Variants in VPS53 observed in about 807,000 individuals in gnomAD.
VPS53 encodes VPS53 subunit of GARP complex.
A neutral mutation model predicts 107.0 loss-of-function variants in VPS53; 70 were observed. That is an observed-to-expected ratio of 0.65 (90% confidence interval 0.54 to 0.80). The LOEUF is 0.80. VPS53 is among the 30% of genes least tolerant of loss of function. VPS53 has a pLI of 0.00. For missense variants in VPS53, 917 were observed against 1,049.4 expected (o/e 0.87, Z 1.74); for synonymous variants, 409 against 393.3 (o/e 1.04, Z -0.47).
At position 563,590 on chromosome 17, in the gene VPS53, G is replaced by A. The variant is rs142193035; in HGVS notation, c.1314-845C>T. The stretch of plus-strand genomic sequence containing the variant: ...ATTACAGGTGTGAGCCACTCACTGC[G>A]CCCAGCTCATTTACTTTTTACAATA... On this transcript the variant is annotated intron_variant, in intron 13 of 21. Coordinates refer to ENST00000437048, the MANE Select transcript of VPS53 (RefSeq NM_001128159.3). Among the ~76,000 whole-genome samples the A allele has an allele frequency of 4.7e-4, 72 of 152,194 alleles. 1 individual carries two copies. In the East Asian group the frequency reaches 0.012, roughly 25 times the overall value.
intron 15 of VPS53, among the ~76,000 whole-genome samples, chr17:557,210 T>G (rs1308968214): frequency 6.6e-6 from 1 of 152,208 alleles, no homozygotes; most frequent in Admixed American, 6.5e-5. Flanking sequence ...TTTGGGTGTT[T>G]GCTGGCAATC....
chr17:568,576 A>G (rs925786847), intron 13 of VPS53, among the ~76,000 whole-genome samples: 3 of 152,204 alleles, frequency 2.0e-5, no homozygotes, highest in African/African-American at 4.8e-5. Flanking sequence ...GGGTACTCCC[A>G]CTAATTTGCA....
At chr17:573,164 T>C (rs546367995) in intron 13 of VPS53, among the ~76,000 whole-genome samples, 43 of 152,050 alleles carry the variant, frequency 2.8e-4, no homozygotes, top group Non-Finnish European at 4.3e-4. Context: ...AGATATGGAG[T>C]CACCAGTAAC....
intron 2 of VPS53, among the ~76,000 whole-genome samples, chr17:705,154 G>A (rs765259944): frequency 1.1e-4 from 17 of 152,056 alleles, no homozygotes; most frequent in Non-Finnish European, 2.4e-4. Context: ...GTTCAAACTT[G>A]GGCTCACCTT....
At position 600,320 on chromosome 17, in the gene VPS53, T is replaced by G. The variant is rs565213965; in HGVS notation, c.1218+1475A>C. Among the ~76,000 whole-genome samples, 4 of 152,352 alleles carry G rather than the reference T, an allele frequency of 2.6e-5. No individual in the cohort carries two copies. In the East Asian group the frequency reaches 7.7e-4, roughly 29 times the overall value. ...TAGCATTCGTGAGACATCAGGGCTC[T>G]GCAAATGGCTCTCCTGCGCAAAGCA... is the stretch of plus-strand genomic sequence containing the variant. On this transcript the variant is annotated intron_variant, in intron 12 of 21. Coordinates refer to ENST00000437048, the MANE Select transcript of VPS53 (RefSeq NM_001128159.3).
rs1355097551 is a variant in VPS53, at chr17:612,793, T to C, written c.1116+10740A>G. ...AGTGAATTCACACAGTGAAAACCTG[T>C]ACAAATATTCACATAGTGAGTTCAC... On this transcript the variant is annotated intron_variant, in intron 11 of 21. Coordinates refer to ENST00000437048, the MANE Select transcript of VPS53 (RefSeq NM_001128159.3). 2.1e-5 allele frequency among the ~76,000 whole-genome samples: 3 copies of C among 143,732 alleles called. No individual in the cohort carries two copies. The East Asian group carries it at 6.5e-4, about 31-fold the overall frequency. 94.3% of individuals were successfully genotyped at this position (143,732 alleles called of 152,430 possible). A position where few individuals can be genotyped will look rare whatever the true frequency, so the allele number is the denominator to read the frequency against.
intron 13 of VPS53, among the ~76,000 whole-genome samples, chr17:581,745 T>G (rs1439134578): frequency 6.7e-6 from 1 of 150,056 alleles, no homozygotes; most frequent in Non-Finnish European, 1.5e-5. Context: ...TTAAATGCGT[T>G]CCCAGAGATC....
At chr17:552,812 T>G (rs1911964816) in intron 16 of VPS53, 1 of 313,796 alleles carries the variant, frequency 3.2e-6, no homozygotes, top group South Asian at 9.9e-5. Flanking sequence ...GGACTCATTC[T>G]GACCCAACAG....
At chr17:606,648 T>TG (rs1968595886) in intron 11 of VPS53, among the ~76,000 whole-genome samples, 2 of 152,100 alleles carry the variant, frequency 1.3e-5, no homozygotes, top group South Asian at 4.1e-4. Flanking sequence ...CCACAGTCCA[T>TG]GGCCTGTTAG....
At chr17:660,397 C>T (rs1971393346) in intron 5 of VPS53, among the ~76,000 whole-genome samples, 1 of 152,204 alleles carries the variant, frequency 6.6e-6, no homozygotes, top group African/African-American at 2.4e-5. Context: ...ACCTCTTCCT[C>T]CCTTCAGCAC....
chr17:589,636 C>T (rs766316420), intron 12 of VPS53, among the ~76,000 whole-genome samples: 26 of 152,080 alleles, frequency 1.7e-4, no homozygotes, highest in Non-Finnish European at 2.2e-4. Flanking sequence ...TAAAGGATAA[C>T]GTCAGAAAAC....
rs1910166386 is a variant in VPS53 at position 537,299 on chromosome 17, C to CTTT, written c.1867-126_1867-124dup. On this transcript the variant is annotated intron_variant, in intron 17 of 21. Transcript: ENST00000437048. ...GCTTTGGTATCCCAGGAATCAGGCC[C>CTTT]TTTTGTCCTGGGGAGTTTCTTATTC... 31 of 1,163,306 alleles carry CTTT rather than the reference C, an allele frequency of 2.7e-5. 1 individual carries two copies. In the South Asian group the frequency reaches 4.8e-4, roughly 18 times the overall value. 72.1% of individuals were successfully genotyped at this position (1,163,306 alleles called of 1,614,324 possible).
Position 519,987 on chromosome 17 carries a change from G to A in VPS53, c.2224-57C>T, listed in dbSNP as rs1224892855. 4.7e-6 allele frequency: 6 copies of A among 1,268,502 alleles called. No individual in the cohort carries two copies. The highest frequency in any genetic ancestry group is 5.6e-6 in the Non-Finnish European group (5 of 891,232). The allele number at this position is 1,268,502 out of a possible 1,614,324, so 78.6% of individuals were successfully genotyped here. A position where few individuals can be genotyped will look rare whatever the true frequency, so the allele number is the denominator to read the frequency against. Reference sequence around the variant, plus strand: ...CAGGAAAACTACCACCACGGGAGGAGACAGGAGCGGGCCCTCAAGAAAACT... The same window carrying A: ...CAGGAAAACTACCACCACGGGAGGAAACAGGAGCGGGCCCTCAAGAAAACT... On this transcript the variant is annotated intron_variant, in intron 20 of 21. Transcript: ENST00000437048. This position sits in a 1 kb window ranked among gnomAD's most constrained non-coding sequence, Gnocchi z 5.0.
At chr17:631,495 G>T in intron 8 of VPS53, 55 bp downstream of exon 8, 1 of 1,567,976 alleles carries the variant, frequency 6.4e-7, no homozygotes, top group South Asian at 1.1e-5. Context: ...GGGTGAGCGT[G>T]AGCTCGGCAA....
At chr17:565,880 T>A (rs1394351612) in intron 13 of VPS53, among the ~76,000 whole-genome samples, 1 of 152,072 alleles carries the variant, frequency 6.6e-6, no homozygotes, top group Non-Finnish European at 1.5e-5. Context: ...ATTTAACACT[T>A]TATTAGACAG....
rs560881336 is a variant in VPS53 at position 610,761 on chromosome 17, A to C, written c.1117-8865T>G. 1.1e-3 allele frequency among the ~76,000 whole-genome samples: 165 copies of C among 151,298 alleles called. 1 individual carries two copies. The highest frequency in any genetic ancestry group is 1.9e-3 in the Non-Finnish European group (126 of 67,798). On this transcript the variant is annotated intron_variant, in intron 11 of 21. Transcript: ENST00000437048. Reference sequence around the variant, plus strand: ...CAAAACCCCGCCTCTACTAAAAAAAAAAAAAAAAAATACAAAAAATACAAA... The same window carrying C: ...CAAAACCCCGCCTCTACTAAAAAAACAAAAAAAAAATACAAAAAATACAAA...
chr17:599,107 C>T lies in VPS53; in HGVS notation c.1218+2688G>A, dbSNP rs567479394. ...TGAGGAGCCCCTCTGCCAGGCCAGC[C>T]GCCCCGTCCGGGAGGGAGGTGGGGG... is the stretch of plus-strand genomic sequence containing the variant. On this transcript the variant is annotated intron_variant, in intron 12 of 21. Transcript: ENST00000437048. Among the ~76,000 whole-genome samples, 1,035 of 141,544 alleles carry T rather than the reference C, an allele frequency of 7.3e-3. 13 individuals are homozygous for T. The highest frequency in any genetic ancestry group is 0.012 in the Middle Eastern group (3 of 248). 92.9% of individuals were successfully genotyped at this position (141,544 alleles called of 152,430 possible).
intron 4 of VPS53, among the ~76,000 whole-genome samples, chr17:694,267 TA>T (rs1972870466): frequency 6.6e-6 from 1 of 152,186 alleles, no homozygotes; most frequent in African/African-American, 2.4e-5. Context: ...CTCTGTGAAA[TA>T]CGACCTGCTC....
chr17:517,489 A>G lies in VPS53; in HGVS notation c.*1639T>C. 1 of 398,654 alleles carries G rather than the reference A, an allele frequency of 2.5e-6. No individual in the cohort carries two copies. The highest frequency in any genetic ancestry group is 3.6e-5 in the East Asian group (1 of 28,078). 24.7% of individuals were successfully genotyped at this position (398,654 alleles called of 1,614,324 possible). A position where few individuals can be genotyped will look rare whatever the true frequency, so the allele number is the denominator to read the frequency against. On this transcript the variant is annotated 3_prime_UTR_variant, in exon 22 of 22. Coordinates refer to ENST00000437048, the MANE Select transcript of VPS53 (RefSeq NM_001128159.3). ...ACCTTATTCCTACTGTACGGCTGTT[A>G]CAAGTTTTATGGATTTTAAGGAAAT... is the stretch of plus-strand genomic sequence containing the variant.
Sources: gnomAD v4.1 joint callset for allele counts (sites outside exome capture counted in the v4.1 genomes callset) on GRCh38, gnomAD v4.1.1 for gene constraint, Gnocchi (gnomAD v3.1) non-coding constraint, MANE v1.5 for transcripts, NCBI Gene and HGNC (gene_info 2026-07-23, HGNC 2026-07-21) for gene names.